The following ASMTL variants were observed in gnomAD, a reference collection of about 807,000 sequenced individuals.
The protein encoded by ASMTL is probable bifunctional dTTP/UTP pyrophosphatase/methyltransferase protein.
ASMTL carries 57 observed loss-of-function variants against 60.3 expected under a neutral mutation model. That is an observed-to-expected ratio of 0.95 (90% CI 0.76 to 1.18). The LOEUF is 1.18. Among genes scored for constraint, ASMTL ranks in the 50% most tolerant of loss-of-function variants. The pLI is 0.00. For synonymous variants in ASMTL, 419 were observed against 373.0 expected (o/e 1.12, Z -1.42); for missense variants, 981 against 852.6 (o/e 1.15, Z -1.88).
At position 1,412,985 on chromosome X, in the gene ASMTL, C is replaced by T. The variant is rs1454166217; in HGVS notation, c.1523-131G>A. The T allele has an allele frequency of 1.7e-5, 17 of 984,220 alleles. 1 individual carries two copies. The highest frequency in any genetic ancestry group is 2.4e-5 in the Non-Finnish European group (15 of 627,836). 61.0% of individuals were successfully genotyped at this position (984,220 alleles called of 1,614,324 possible). A position where few individuals can be genotyped will look rare whatever the true frequency, so the allele number is the denominator to read the frequency against. ...GAGAGGGGTGTGGGCGGGAATGGGT[C>T]TTCCTGAAGTACATCCCCGTGGGGA... On this transcript the variant is annotated intron_variant, in intron 11 of 12. Transcript: ENST00000381317.
chrX:1,448,443 G>A (rs1200133516), intron 1 of ASMTL, among the ~76,000 whole-genome samples: 1 of 148,860 alleles, frequency 6.7e-6, no homozygotes, highest in African/African-American at 2.5e-5. Context: ...CCACCATCTT[G>A]GAAAAGCACC....
chrX:1,444,275 C>T (rs1177989508), intron 1 of ASMTL, among the ~76,000 whole-genome samples: 3 of 149,314 alleles, frequency 2.0e-5, no homozygotes, highest in Non-Finnish European at 3.0e-5. Flanking sequence ...GTGATGCCAT[C>T]TCGGCTCACT....
intron 4 of ASMTL, 127 bp from the exon 5 acceptor site, chrX:1,435,210 C>T: frequency 1.0e-6 from 1 of 974,796 alleles, no homozygotes; most frequent in African/African-American, 1.6e-5. Context: ...GCATCTTCTC[C>T]CCGATCGTCC....
chrX:1,418,613 C>T (rs1473798307), intron 10 of ASMTL, among the ~76,000 whole-genome samples: 1 of 151,988 alleles, frequency 6.6e-6, no homozygotes, highest in African/African-American at 2.4e-5. Flanking sequence ...GTCCCAGGCC[C>T]CGATCCCCCA....
At chrX:1,430,373 T>A (rs1249261780) in intron 6 of ASMTL, among the ~76,000 whole-genome samples, 1 of 152,086 alleles carries the variant, frequency 6.6e-6, no homozygotes, top group African/African-American at 2.4e-5. Flanking sequence ...ATAAGTGAGA[T>A]CCTGTGGTAT....
At chrX:1,441,000 TAAATCTTA>T (rs1213964684) in intron 2 of ASMTL, among the ~76,000 whole-genome samples, 4 of 152,096 alleles carry the variant, frequency 2.6e-5, no homozygotes, top group African/African-American at 9.7e-5. Flanking sequence ...ACATGAATCT[TAAATCTTA>T]AATGATAGTA....
intron 11 of ASMTL, among the ~76,000 whole-genome samples, chrX:1,414,494 G>A (rs1223270667): frequency 1.3e-5 from 2 of 152,142 alleles, no homozygotes; most frequent in Non-Finnish European, 2.9e-5. Flanking sequence ...GATGACCTGA[G>A]GTGAGGAGTT....
intron 11 of ASMTL, among the ~76,000 whole-genome samples, chrX:1,416,055 A>C (rs2090237843): frequency 6.6e-6 from 1 of 151,822 alleles, no homozygotes; most frequent in Admixed American, 6.6e-5. Flanking sequence ...GCACACGCGC[A>C]CAGAGACAGA....
At chrX:1,446,136 A>C (rs2091226005) in intron 1 of ASMTL, among the ~76,000 whole-genome samples, 1 of 152,152 alleles carries the variant, frequency 6.6e-6, no homozygotes, top group African/African-American at 2.4e-5. Context: ...AAGTACTAAA[A>C]GTGTCTGATA....
chrX:1,410,756 GATGCA>G, intron 12 of ASMTL, among the ~76,000 whole-genome samples: 1 of 151,346 alleles, frequency 6.6e-6, no homozygotes, highest in Middle Eastern at 3.4e-3. Context: ...GGTGATGCAT[GATGCA>G]TGCCTGTACT....
chrX:1,431,682 T>C (rs1183588194), intron 6 of ASMTL, among the ~76,000 whole-genome samples: 1 of 146,026 alleles, frequency 6.8e-6, no homozygotes, highest in Non-Finnish European at 1.5e-5. Context: ...ATTAATAGAA[T>C]ATATAATGTG....
chrX:1,403,513 G>C (rs1238297752), intron 12 of ASMTL, 24 bp from the exon 13 acceptor site: 2 of 1,608,004 alleles, frequency 1.2e-6, no homozygotes, highest in Admixed American at 1.7e-5. Context: ...CAGAGAGCTG[G>C]AGTCCTGGCC....
intron 12 of ASMTL, among the ~76,000 whole-genome samples, chrX:1,412,107 A>T (rs5948840): frequency 6.6e-6 from 1 of 151,590 alleles, no homozygotes; most frequent in Middle Eastern, 3.2e-3. Context: ...GTGAGCCACC[A>T]CACCTGGCCA....
intron 1 of ASMTL, among the ~76,000 whole-genome samples, chrX:1,452,032 C>A (rs2091404136): frequency 6.9e-6 from 1 of 144,566 alleles, no homozygotes; most frequent in East Asian, 2.2e-4. Flanking sequence ...CAACCCCATC[C>A]CTAAGGTGTC....
chrX:1,453,218 C>G (rs781285570), upstream of ASMTL, among the ~76,000 whole-genome samples: 1 of 151,036 alleles, frequency 6.6e-6, no homozygotes, highest in South Asian at 2.1e-4. Context: ...ACGCCCATGT[C>G]ACGCCGCCAT....
intron 3 of ASMTL, 83 bp downstream of exon 3, chrX:1,439,014 T>C: frequency 1.4e-6 from 2 of 1,441,038 alleles, no homozygotes; most frequent in South Asian, 1.1e-5. Flanking sequence ...AAGGGGAATG[T>C]ACAACATCCA....
intron 10 of ASMTL, 107 bp downstream of exon 10, chrX:1,418,875 T>A (rs1207065713): frequency 4.2e-6 from 6 of 1,419,360 alleles, no homozygotes; most frequent in African/African-American, 1.4e-5. Flanking sequence ...CAGGTCGTTA[T>A]CAGGTTTGTC....
intron 6 of ASMTL, among the ~76,000 whole-genome samples, chrX:1,429,600 C>T (rs1186974269): frequency 6.6e-6 from 1 of 151,986 alleles, no homozygotes; most frequent in Non-Finnish European, 1.5e-5. Flanking sequence ...GAGTTCGAGA[C>T]CAGCCTGGCC....
chrX:1,431,826 A>G (rs2090797836), intron 6 of ASMTL: 1 of 165,494 alleles, frequency 6.0e-6, no homozygotes, highest in Non-Finnish European at 1.3e-5. Flanking sequence ...TGATGAAGTG[A>G]AGCTGATTGG....
Sources: allele counts gnomAD v4.1 joint callset (sites outside exome capture counted in the v4.1 genomes callset), GRCh38; gene constraint gnomAD v4.1.1; transcripts MANE v1.5; gene names NCBI Gene and HGNC (gene_info 2026-07-23, HGNC 2026-07-21).